The following NAA60 variants were observed in gnomAD, a reference collection of about 807,000 sequenced individuals.
NAA60 encodes N-alpha-acetyltransferase 60.
In NAA60, 8 loss-of-function variants were observed where a neutral mutation model predicts 26.1. The observed-to-expected ratio is 0.31, with a 90% CI of 0.18 to 0.55. The LOEUF (loss-of-function observed/expected upper bound fraction) is 0.55. Among genes scored for constraint, NAA60 ranks in the 20% least tolerant of loss-of-function variants. The pLI, the probability that NAA60 is intolerant of heterozygous loss-of-function variation, is 0.93. For synonymous variants in NAA60, 131 were observed against 122.5 expected, an observed-to-expected ratio of 1.07 and a Z score of -0.46; for missense variants, 290 against 311.3, an observed-to-expected ratio of 0.93 and a Z score of 0.51.
At chr16:3,443,677 T>G, upstream of NAA60, 1 of 1,387,344 alleles carries the variant, frequency 7.2e-7, no homozygotes, top group Non-Finnish European at 9.4e-7. Flanking sequence ...TAAGCAACCA[T>G]TTCCGCTTCC....
intron 2 of NAA60, among the ~76,000 whole-genome samples, chr16:3,459,244 A>T (rs534658528): frequency 6.6e-6 from 1 of 152,364 alleles, no homozygotes; most frequent in African/African-American, 2.4e-5. Flanking sequence ...TGAGTGAACC[A>T]TGAAAGTCAT....
At chr16:3,484,469 A>C in intron 6 of NAA60, 1 of 593,192 alleles carries the variant, frequency 1.7e-6, no homozygotes, top group Non-Finnish European at 3.0e-6. Context: ...CTGCTGCCTC[A>C]CTCAGAAGGC....
At chr16:3,481,288 C>T (rs562405422) in intron 4 of NAA60, among the ~76,000 whole-genome samples, 4 of 152,276 alleles carry the variant, frequency 2.6e-5, no homozygotes, top group East Asian at 1.9e-4. Context: ...TGGGGTTTCA[C>T]CATGTTGGCC....
intron 2 of NAA60, among the ~76,000 whole-genome samples, chr16:3,475,390 C>G (rs1480482581): frequency 6.6e-6 from 1 of 152,004 alleles, no homozygotes; most frequent in Non-Finnish European, 1.5e-5. Context: ...ACACCAGGCC[C>G]CATCCTTTCC....
intron 2 of NAA60, among the ~76,000 whole-genome samples, chr16:3,463,885 C>T (rs546558586): frequency 9.9e-5 from 15 of 152,246 alleles, no homozygotes; most frequent in African/African-American, 3.6e-4. Flanking sequence ...TGACATACAA[C>T]ATCTTCACTT....
At chr16:3,445,274 C>CT (rs1452284919) in intron 1 of NAA60, among the ~76,000 whole-genome samples, 9,858 of 125,472 alleles carry the variant, frequency 0.079, 709 homozygotes, top group Non-Finnish European at 0.11. Flanking sequence ...TTGTGCTTAT[C>CT]TCTTTTTTTT....
intron 2 of NAA60, among the ~76,000 whole-genome samples, chr16:3,469,072 C>T (rs372744774): frequency 4.1e-5 from 6 of 146,954 alleles, no homozygotes; most frequent in Non-Finnish European, 6.0e-5. Context: ...GGCAACAGAG[C>T]CAGACAACAT....
chr16:3,454,096 G>A (rs2034886256), intron 2 of NAA60, among the ~76,000 whole-genome samples: 1 of 152,194 alleles, frequency 6.6e-6, no homozygotes, highest in Non-Finnish European at 1.5e-5. Context: ...CTTGGCCTTG[G>A]AGATTCATGG....
chr16:3,446,632 T>TG (rs2040805237), intron 1 of NAA60, among the ~76,000 whole-genome samples: 1 of 150,864 alleles, frequency 6.6e-6, no homozygotes, highest in Non-Finnish European at 1.5e-5. Flanking sequence ...TTTTTTTTTT[T>TG]GAGACAGTCT....
chr16:3,446,259 C>T (rs1020744973), intron 1 of NAA60, among the ~76,000 whole-genome samples: 1 of 152,098 alleles, frequency 6.6e-6, no homozygotes, highest in Non-Finnish European at 1.5e-5. Context: ...AGGCTGGGTG[C>T]GGTGGCTCAC....
At position 3,483,144 on chromosome 16, in the gene NAA60, C is replaced by G. The variant is rs114376589; in HGVS notation, c.338-219C>G. On this transcript the variant is annotated intron_variant, in intron 5 of 7. Coordinates refer to ENST00000407558, the MANE Select transcript of NAA60 (RefSeq NM_001083601.3). Reference sequence around the variant, plus strand: ...GGGCCCAGCCCATGGGAGGGCGCTACCAGGCCACCTCTGCAGTCCCTCCCA... The same window carrying G: ...GGGCCCAGCCCATGGGAGGGCGCTAGCAGGCCACCTCTGCAGTCCCTCCCA... Among the ~76,000 whole-genome samples the G allele has an allele frequency of 5.4e-3, 830 of 152,354 alleles. 6 individuals carry two copies. The highest frequency in any genetic ancestry group is 0.019 in the African/African-American group (787 of 41,582).
At position 3,482,376 on chromosome 16, in the gene NAA60, GC is replaced by G. The variant is rs2036892119; in HGVS notation, c.241-122del. ...CCCCTCTCCAGTACCTCTTGATTCTGCCCCTCCCAGTCGGTGTCCCTCTGGC... is the reference window on the plus strand; with the variant it reads ...CCCCTCTCCAGTACCTCTTGATTCTGCCCTCCCAGTCGGTGTCCCTCTGGC... On this transcript the variant is annotated intron_variant, in intron 4 of 7. Coordinates refer to ENST00000407558, the MANE Select transcript of NAA60 (RefSeq NM_001083601.3). 4.0e-6 allele frequency: 3 copies of G among 743,540 alleles called. No individual in the cohort carries two copies. In the South Asian group the frequency reaches 4.8e-5, roughly 12 times the overall value. The allele number at this position is 743,540 out of a possible 1,614,324, so 46.1% of individuals were successfully genotyped here.
chr16:3,450,699 CAAAAAAA>C (rs539095336), intron 2 of NAA60, among the ~76,000 whole-genome samples: 11 of 73,606 alleles, frequency 1.5e-4, no homozygotes, highest in East Asian at 8.6e-4. Context: ...GACTCCGTCT[CAAAAAAA>C]AAAAAAAAAA....
In NAA60 at chr16:3,483,369, TCTTA is replaced by T. The variant is rs1289873872; in HGVS notation, c.348_351del (p.Leu117LysfsTer3). ...TTTACCTCTTCTCCCCAAGGTTCCCTCTTACTTGAAAGTTTAAAGGATCACATAT... is the reference window on the plus strand; with the variant it reads ...TTTACCTCTTCTCCCCAAGGTTCCCTCTTGAAAGTTTAAAGGATCACATAT... On this transcript the variant is annotated frameshift_variant, in exon 6 of 8. Coordinates refer to ENST00000407558, the MANE Select transcript of NAA60 (RefSeq NM_001083601.3). LOFTEE classifies it high-confidence loss of function. 3.1e-6 allele frequency: 5 copies of T among 1,608,216 alleles called. No homozygotes were observed. Among genetic ancestry groups the T allele is most frequent in the Non-Finnish European group, 4.2e-6 (5 of 1,177,018 alleles).
chr16:3,455,957 G>C (rs139312596), intron 2 of NAA60, among the ~76,000 whole-genome samples: 1 of 151,680 alleles, frequency 6.6e-6, no homozygotes, highest in Non-Finnish European at 1.5e-5. Context: ...CACCCGACTT[G>C]ACCTCCCAAA....
chr16:3,474,776 A>G (rs1205087449), intron 2 of NAA60, among the ~76,000 whole-genome samples: 2 of 152,180 alleles, frequency 1.3e-5, no homozygotes, highest in African/African-American at 2.4e-5. Context: ...TGACTCCGTC[A>G]TTTCTGTTGG....
chr16:3,450,863 C>G (rs991561321), intron 2 of NAA60, among the ~76,000 whole-genome samples: 10 of 152,174 alleles, frequency 6.6e-5, no homozygotes, highest in African/African-American at 2.2e-4. Flanking sequence ...GTATAGAAGC[C>G]TTGGGTGGGT....
chr16:3,485,242 G>A, intron 7 of NAA60, 181 bp downstream of exon 7: 1 of 658,108 alleles, frequency 1.5e-6, no homozygotes, highest in South Asian at 1.5e-5. Flanking sequence ...AACACAGCAG[G>A]CTCCATGGCA....
At chr16:3,451,411 A>C (rs2034777470) in intron 2 of NAA60, among the ~76,000 whole-genome samples, 1 of 152,150 alleles carries the variant, frequency 6.6e-6, no homozygotes, top group Non-Finnish European at 1.5e-5. Flanking sequence ...AAAATAATTT[A>C]CCACAGGCAT....
Sources: gnomAD v4.1 joint callset for allele counts (sites outside exome capture counted in the v4.1 genomes callset) on GRCh38, gnomAD v4.1.1 for gene constraint, MANE v1.5 for transcripts, NCBI Gene and HGNC (gene_info 2026-07-23, HGNC 2026-07-21) for gene names.